Variants in ZNF438 observed in about 807,000 individuals in gnomAD.
ZNF438 encodes the protein zinc finger protein 438.
ZNF438 carries 25 observed loss-of-function variants against 38.0 expected under a neutral mutation model. The ratio of observed to expected loss-of-function variants is 0.66; its 90% CI spans 0.48 to 0.92. The LOEUF (loss-of-function observed/expected upper bound fraction) is 0.92, where lower values mean the gene tolerates loss of function less well. Ranked by LOEUF, ZNF438 falls within the 40% of genes least tolerant of loss-of-function variation. The pLI is 0.00. For missense variants in ZNF438, 1,007 were observed against 999.6 expected (o/e 1.01, Z -0.10); for synonymous variants, 372 against 364.1 (o/e 1.02, Z -0.25).
intron 2 of ZNF438, among the ~76,000 whole-genome samples, chr10:30,927,114 C>T (rs1373758055): frequency 6.6e-6 from 1 of 152,192 alleles, no homozygotes; most frequent in Non-Finnish European, 1.5e-5. Flanking sequence ...CGTGCCAAGA[C>T]AAGAGATTTC....
intron 4 of ZNF438, among the ~76,000 whole-genome samples, chr10:30,853,072 A>C (rs1371902915): frequency 6.6e-6 from 1 of 152,134 alleles, no homozygotes; most frequent in African/African-American, 2.4e-5. Context: ...GCTTTTGGTT[A>C]CTTAGAGATG....
At chr10:30,900,395 A>G (rs189107558) in intron 3 of ZNF438, among the ~76,000 whole-genome samples, 7 of 152,312 alleles carry the variant, frequency 4.6e-5, no homozygotes, top group African/African-American at 1.4e-4. Context: ...AAATAGCCCA[A>G]ATAACAAAGA....
At chr10:30,895,470 C>T (rs1282318359) in intron 3 of ZNF438, among the ~76,000 whole-genome samples, 1 of 152,086 alleles carries the variant, frequency 6.6e-6, no homozygotes, top group African/African-American at 2.4e-5. Flanking sequence ...ACTGAGATGA[C>T]ACCAAAAACA....
chr10:30,989,670 T>C (rs1589607078), intron 1 of ZNF438, among the ~76,000 whole-genome samples: 1 of 152,188 alleles, frequency 6.6e-6, no homozygotes, highest in South Asian at 2.1e-4. Flanking sequence ...GATTTTAATG[T>C]TTTGAGTAGT....
chr10:30,935,568 T>A (rs768734498), intron 2 of ZNF438, among the ~76,000 whole-genome samples: 213 of 152,238 alleles, frequency 1.4e-3, no homozygotes, highest in Non-Finnish European at 2.6e-3. Flanking sequence ...TCCCATTAGG[T>A]CTCACCTCAA....
chr10:31,004,113 G>C (rs190651576), intron 1 of ZNF438, among the ~76,000 whole-genome samples: 20 of 152,226 alleles, frequency 1.3e-4, no homozygotes, highest in Non-Finnish European at 2.2e-4. Context: ...GAGACATTTT[G>C]ATTGTCACAA....
intron 4 of ZNF438, among the ~76,000 whole-genome samples, chr10:30,850,910 A>G (rs904496648): frequency 4.6e-5 from 7 of 152,246 alleles, no homozygotes; most frequent in African/African-American, 1.4e-4. Flanking sequence ...TTTTCACTCA[A>G]TCTCAGGATA....
At chr10:30,846,006 C>T (rs11816323) in intron 5 of ZNF438, among the ~76,000 whole-genome samples, 7,374 of 152,276 alleles carry the variant, frequency 0.048, 558 homozygotes, top group African/African-American at 0.17. Flanking sequence ...TCAATTTTGG[C>T]TCACTCTGTC....
rs534194736 is a variant in ZNF438 at position 31,014,007 on chromosome 10, C to T, written c.-192+17826G>A. Among the ~76,000 whole-genome samples the T allele has an allele frequency of 2.0e-5, 3 of 152,278 alleles. No individual in the cohort carries two copies. In the South Asian group the frequency reaches 6.2e-4, roughly 32 times the overall value. On this transcript the variant is annotated intron_variant, in intron 1 of 5. Coordinates refer to ENST00000413025, the Ensembl canonical transcript of ZNF438. Reference sequence around the variant, plus strand: ...GCTCTTCCCAAAGCACAGATGACTTCTTAAATGAAAATTCCCTCAAAGTGT... The same window carrying T: ...GCTCTTCCCAAAGCACAGATGACTTTTTAAATGAAAATTCCCTCAAAGTGT...
At chr10:30,859,651 A>G (rs551449172) in intron 4 of ZNF438, among the ~76,000 whole-genome samples, 1 of 152,226 alleles carries the variant, frequency 6.6e-6, no homozygotes, top group Non-Finnish European at 1.5e-5. Flanking sequence ...GCATAATAAT[A>G]TCTGCCTACA....
At chr10:30,965,687 A>G (rs1477392702) in intron 1 of ZNF438, among the ~76,000 whole-genome samples, 1 of 152,212 alleles carries the variant, frequency 6.6e-6, no homozygotes, top group East Asian at 1.9e-4. Context: ...GTCCTCACTT[A>G]TAAGTGGGAG....
At chr10:30,999,147 A>G (rs1014733523) in intron 1 of ZNF438, among the ~76,000 whole-genome samples, 6 of 152,224 alleles carry the variant, frequency 3.9e-5, no homozygotes, top group African/African-American at 1.4e-4. Context: ...TGAAGCCCAA[A>G]ACATTTTTCC....
At chr10:31,007,537 C>T (rs2055273629) in intron 1 of ZNF438, among the ~76,000 whole-genome samples, 1 of 152,156 alleles carries the variant, frequency 6.6e-6, no homozygotes, top group Non-Finnish European at 1.5e-5. Context: ...GCCTTGGCCT[C>T]CCAAAGTGCT....
At chr10:30,865,160 A>G (rs997802842) in intron 4 of ZNF438, among the ~76,000 whole-genome samples, 5 of 152,236 alleles carry the variant, frequency 3.3e-5, no homozygotes, top group African/African-American at 1.2e-4. Flanking sequence ...GAGAAAAGAA[A>G]GATCTTTTTG....
chr10:31,024,430 T>C (rs1023857462), intron 1 of ZNF438, among the ~76,000 whole-genome samples: 2 of 151,996 alleles, frequency 1.3e-5, no homozygotes, highest in African/African-American at 4.8e-5. Flanking sequence ...ATCGAGACCA[T>C]CCTGGCTAAC....
At chr10:30,845,561 G>C in exon 6 of ZNF438, 1 of 1,609,252 alleles carries the variant, frequency 6.2e-7, no homozygotes, top group Non-Finnish European at 8.5e-7. Flanking sequence ...CTTCCAGGTT[G>C]GACTTGTTTT....
intron 1 of ZNF438, among the ~76,000 whole-genome samples, chr10:30,982,102 T>TC (rs1237962473): frequency 6.6e-6 from 1 of 150,506 alleles, no homozygotes; most frequent in African/African-American, 2.4e-5. Flanking sequence ...TCTCTTTCTT[T>TC]TTTTTTTTTT....
rs186270267 is a variant in ZNF438 at position 31,028,464 on chromosome 10, A to G, written c.-192+3369T>C. ...CTAATGCAAATATAGTAAAATATGC[A>G]TGATTTTGAGTAATTCTTTTGTTGA... On this transcript the variant is annotated intron_variant, in intron 1 of 5. Coordinates refer to ENST00000413025, the Ensembl canonical transcript of ZNF438. Among the ~76,000 whole-genome samples the G allele has an allele frequency of 4.2e-3, 642 of 152,334 alleles. 8 individuals carry two copies. The highest frequency in any genetic ancestry group is 4.2e-3 in the Non-Finnish European group (289 of 68,030).
chr10:30,915,383 T>C (rs984573237), intron 2 of ZNF438, among the ~76,000 whole-genome samples: 22 of 152,064 alleles, frequency 1.4e-4, no homozygotes, highest in African/African-American at 5.1e-4. Context: ...GGCTTTGGAA[T>C]TGCAATTGTG....
Sources: allele counts gnomAD v4.1 joint callset (sites outside exome capture counted in the v4.1 genomes callset), GRCh38; gene constraint gnomAD v4.1.1; transcripts MANE v1.5; gene names NCBI Gene and HGNC (gene_info 2026-07-23, HGNC 2026-07-21).